Variants in NECAB1 observed in about 807,000 individuals in gnomAD.
NECAB1 encodes N-terminal EF-hand calcium binding protein 1.
Under a neutral mutation model 57.5 loss-of-function variants are expected in NECAB1, and 29 were observed. The observed-to-expected ratio is 0.50, with a 90% CI of 0.38 to 0.69. The LOEUF (loss-of-function observed/expected upper bound fraction) is 0.69, where lower values mean the gene tolerates loss of function less well. Among genes scored for constraint, NECAB1 ranks in the 30% least tolerant of loss-of-function variants. NECAB1 has a pLI of 0.00. For missense variants in NECAB1, 372 were observed against 413.8 expected, an observed-to-expected ratio of 0.90 and a Z score of 0.88; for synonymous variants, 142 against 147.7, an observed-to-expected ratio of 0.96 and a Z score of 0.28.
chr8:90,846,842 C>G (rs140845190), intron 3 of NECAB1, among the ~76,000 whole-genome samples: 3 of 152,092 alleles, frequency 2.0e-5, no homozygotes, highest in Non-Finnish European at 4.4e-5. Flanking sequence ...GAAAAACCTG[C>G]CCCCAATGAT....
At chr8:90,798,844 G>T (rs578176595) in intron 1 of NECAB1, among the ~76,000 whole-genome samples, 28 of 152,150 alleles carry the variant, frequency 1.8e-4, no homozygotes, top group Non-Finnish European at 3.4e-4. Flanking sequence ...TCAAATGGTA[G>T]TTCTGTTTTA....
chr8:90,892,684 T>C (rs1454560064), intron 5 of NECAB1, among the ~76,000 whole-genome samples: 1 of 152,226 alleles, frequency 6.6e-6, no homozygotes, highest in Non-Finnish European at 1.5e-5. Context: ...CTGGGCCACA[T>C]GAGGCAGAGC....
intron 4 of NECAB1, among the ~76,000 whole-genome samples, chr8:90,878,787 G>A (rs963671809): frequency 1.1e-4 from 17 of 151,560 alleles, no homozygotes. Flanking sequence ...GCATATGCCT[G>A]CATCTGTGTG....
At chr8:90,936,145 T>C (rs1225279729) in intron 9 of NECAB1, among the ~76,000 whole-genome samples, 4 of 152,134 alleles carry the variant, frequency 2.6e-5, no homozygotes, top group Non-Finnish European at 5.9e-5. Flanking sequence ...TTCACTGTTA[T>C]TTCATAGCTA....
chr8:90,821,056 G>A (rs982443874), intron 2 of NECAB1, among the ~76,000 whole-genome samples: 5 of 151,738 alleles, frequency 3.3e-5, no homozygotes, highest in Admixed American at 3.3e-4. Flanking sequence ...CATTCTCCCT[G>A]GGAGAACTCA....
chr8:90,939,399 T>C (rs943428415), intron 9 of NECAB1, among the ~76,000 whole-genome samples: 1 of 152,144 alleles, frequency 6.6e-6, no homozygotes, highest in Admixed American at 6.5e-5. Context: ...GAAAATAGAA[T>C]CCATGTCTTG....
At chr8:90,861,778 G>C (rs114342213) in intron 3 of NECAB1, among the ~76,000 whole-genome samples, 114 of 152,242 alleles carry the variant, frequency 7.5e-4, no homozygotes, top group African/African-American at 2.7e-3. Context: ...AGAAATGTAA[G>C]TAACCTGCCT....
chr8:90,958,637 T>G lies in NECAB1; in HGVS notation c.*3125T>G. The G allele has an allele frequency of 4.3e-6, 1 of 233,248 alleles. No homozygotes were observed. The highest frequency in any genetic ancestry group is 5.6e-5 in the South Asian group (1 of 17,732). 14.4% of individuals were successfully genotyped at this position (233,248 alleles called of 1,614,324 possible). A position where few individuals can be genotyped will look rare whatever the true frequency, so the allele number is the denominator to read the frequency against. On this transcript the variant is annotated 3_prime_UTR_variant, in exon 13 of 13. Transcript: ENST00000417640. ...GCAACAAGCAATTATGTACCATATA[T>G]ACACTGTAGCAAATATTTTATATTT...
At chr8:90,847,880 G>C (rs376164127) in intron 3 of NECAB1, among the ~76,000 whole-genome samples, 1 of 152,092 alleles carries the variant, frequency 6.6e-6, no homozygotes, top group Non-Finnish European at 1.5e-5. Flanking sequence ...CATTTTTTTC[G>C]CCTTGGCCTC....
At chr8:90,888,416 G>A (rs1809065358) in intron 5 of NECAB1, among the ~76,000 whole-genome samples, 1 of 152,072 alleles carries the variant, frequency 6.6e-6, no homozygotes, top group African/African-American at 2.4e-5. Context: ...CATTCATGGG[G>A]GATAAACAGC....
At chr8:90,910,410 T>G (rs1809803333) in intron 5 of NECAB1, among the ~76,000 whole-genome samples, 1 of 152,162 alleles carries the variant, frequency 6.6e-6, no homozygotes. Flanking sequence ...TTTCCTGAAT[T>G]TTTTCAAAGG....
intron 7 of NECAB1, among the ~76,000 whole-genome samples, chr8:90,927,741 A>G (rs575941973): frequency 1.7e-4 from 25 of 150,392 alleles, no homozygotes; most frequent in African/African-American, 5.9e-4. Context: ...ATGATTATAG[A>G]GTCCATGTAT....
Position 90,897,116 on chromosome 8 carries a change from A to G in NECAB1, c.357+15986A>G, listed in dbSNP as rs766656216. Among the ~76,000 whole-genome samples, 42 of 152,226 alleles carry G rather than the reference A, an allele frequency of 2.8e-4. 1 individual carries two copies. The highest frequency in any genetic ancestry group is 4.6e-4 in the Admixed American group (7 of 15,288). ...AAAAAGAATTTAGCAGGTAGAAAGC[A>G]GCAATAAAATTTTCTTCTTCAATTA... On this transcript the variant is annotated intron_variant, in intron 5 of 12. Transcript: ENST00000417640.
chr8:90,832,336 C>T (rs1812309802), intron 3 of NECAB1, among the ~76,000 whole-genome samples: 1 of 152,076 alleles, frequency 6.6e-6, no homozygotes, highest in African/African-American at 2.4e-5. Context: ...TGCATTCTTC[C>T]CTGGAGGAAG....
At chr8:90,907,104 C>A (rs1229078276) in intron 5 of NECAB1, among the ~76,000 whole-genome samples, 1 of 141,826 alleles carries the variant, frequency 7.1e-6, no homozygotes, top group African/African-American at 2.7e-5. Context: ...GTCTTTACTT[C>A]TTATAATCCA....
At chr8:90,896,462 G>A (rs1384156474) in intron 5 of NECAB1, among the ~76,000 whole-genome samples, 3 of 151,942 alleles carry the variant, frequency 2.0e-5, no homozygotes, top group African/African-American at 4.8e-5. Context: ...AAAATTAGCC[G>A]GGCGTGGTGG....
At chr8:90,953,953 C>T (rs1187780109) in intron 12 of NECAB1, among the ~76,000 whole-genome samples, 1 of 151,900 alleles carries the variant, frequency 6.6e-6, no homozygotes, top group Non-Finnish European at 1.5e-5. Flanking sequence ...CCTGTAATCC[C>T]AGCTACTTGG....
At chr8:90,897,541 A>G (rs572449037) in intron 5 of NECAB1, among the ~76,000 whole-genome samples, 1 of 152,354 alleles carries the variant, frequency 6.6e-6, no homozygotes, top group East Asian at 1.9e-4. Context: ...TATATATGTT[A>G]TGGAAATGGA....
At chr8:90,825,086 A>G (rs1394239382) in intron 3 of NECAB1, 2 of 223,830 alleles carry the variant, frequency 8.9e-6, no homozygotes, top group Non-Finnish European at 1.7e-5. Flanking sequence ...AAAACAAAGT[A>G]TAAATTATAA....
Sources: gnomAD v4.1 joint callset for allele counts (sites outside exome capture counted in the v4.1 genomes callset) on GRCh38, gnomAD v4.1.1 for gene constraint, MANE v1.5 for transcripts, NCBI Gene and HGNC (gene_info 2026-07-23, HGNC 2026-07-21) for gene names.